CNTNAP2: variants seen among roughly 807,000 people sequenced by gnomAD.
CNTNAP2 encodes contactin associated protein 2.
In CNTNAP2, 98 loss-of-function variants were observed where a neutral mutation model predicts 155.2. That is an observed-to-expected ratio of 0.63 (90% CI 0.54 to 0.75). The LOEUF (loss-of-function observed/expected upper bound fraction) is 0.75. Among genes scored for constraint, CNTNAP2 ranks in the 30% least tolerant of loss-of-function variants. The probability of loss-of-function intolerance (pLI) is 0.00; values close to 1 mark genes in which losing one functional copy is unlikely to be tolerated. For synonymous variants in CNTNAP2, 651 were observed against 631.2 expected (o/e 1.03, Z -0.47); for missense variants, 1,727 against 1,688.1 (o/e 1.02, Z -0.40).
chr7:147,171,743 TAAG>T (rs747000609), intron 8 of CNTNAP2, among the ~76,000 whole-genome samples: 2 of 152,114 alleles, frequency 1.3e-5, no homozygotes, highest in Non-Finnish European at 1.5e-5. Flanking sequence ...AGAAACCAAA[TAAG>T]AAGTTTCGAG....
At chr7:147,212,894 A>G (rs1803187920) in intron 8 of CNTNAP2, among the ~76,000 whole-genome samples, 1 of 152,146 alleles carries the variant, frequency 6.6e-6, no homozygotes, top group Non-Finnish European at 1.5e-5. Flanking sequence ...ATATTCTCAA[A>G]TTCCTGGTGT....
At chr7:148,153,244 A>AAAC (rs1196192511) in intron 17 of CNTNAP2, among the ~76,000 whole-genome samples, 1 of 151,556 alleles carries the variant, frequency 6.6e-6, no homozygotes, top group Admixed American at 6.6e-5. Context: ...GTAACCGAAA[A>AAAC]AAAAAAAAAC....
chr7:146,217,223 T>C (rs1799128766), intron 1 of CNTNAP2, among the ~76,000 whole-genome samples: 1 of 152,186 alleles, frequency 6.6e-6, no homozygotes, highest in South Asian at 2.1e-4. Context: ...ATAAGAACCT[T>C]AACGCTTTTG....
intron 9 of CNTNAP2, among the ~76,000 whole-genome samples, chr7:147,319,891 A>G (rs1481728907): frequency 6.6e-6 from 1 of 152,142 alleles, no homozygotes; most frequent in Non-Finnish European, 1.5e-5. Context: ...AAGCATCAGC[A>G]AACTCTTTTA....
chr7:146,774,653 TAAACGTTTAGAGTTA>T (rs1802356533), intron 2 of CNTNAP2, among the ~76,000 whole-genome samples: 1 of 152,156 alleles, frequency 6.6e-6, no homozygotes, highest in African/African-American at 2.4e-5. Context: ...CAAAATGGCA[TAAACGTTTAGAGTTA>T]AAATTCCTAT....
chr7:147,842,254 G>A (rs1292789178), intron 13 of CNTNAP2, among the ~76,000 whole-genome samples: 1 of 152,204 alleles, frequency 6.6e-6, no homozygotes. Context: ...TCAGAGGAGA[G>A]CATTATCTCC....
intron 1 of CNTNAP2, among the ~76,000 whole-genome samples, chr7:146,392,613 G>T (rs1795560998): frequency 6.6e-6 from 1 of 152,156 alleles, no homozygotes; most frequent in African/African-American, 2.4e-5. Context: ...TCTGGTAACT[G>T]CAACCTTCTT....
chr7:146,644,907 G>A (rs1257535204), intron 1 of CNTNAP2, among the ~76,000 whole-genome samples: 2 of 152,058 alleles, frequency 1.3e-5, no homozygotes, highest in Non-Finnish European at 2.9e-5. Flanking sequence ...GAGGTACAAG[G>A]AGGAACTGGT....
chr7:148,015,380 C>A (rs1291481918), intron 15 of CNTNAP2, among the ~76,000 whole-genome samples: 1 of 152,150 alleles, frequency 6.6e-6, no homozygotes, highest in East Asian at 1.9e-4. Context: ...AGACAGGAAG[C>A]AACTCTCCTG....
At chr7:147,760,919 C>A (rs754389078) in intron 13 of CNTNAP2, among the ~76,000 whole-genome samples, 7 of 152,090 alleles carry the variant, frequency 4.6e-5, no homozygotes, top group Non-Finnish European at 7.4e-5. Context: ...TTGTGATAAG[C>A]CAAAGGATCT....
At chr7:146,329,089 A>C (rs77027036) in intron 1 of CNTNAP2, among the ~76,000 whole-genome samples, 41 of 152,088 alleles carry the variant, frequency 2.7e-4, no homozygotes, top group African/African-American at 9.9e-4. Flanking sequence ...TTTATTTTTC[A>C]TTTTTAAGAA....
intron 12 of CNTNAP2, among the ~76,000 whole-genome samples, chr7:147,623,104 A>C (rs1487127689): frequency 2.0e-5 from 3 of 152,038 alleles, no homozygotes; most frequent in African/African-American, 7.2e-5. Flanking sequence ...ATCCAGTAAC[A>C]AGATCGAAGC....
intron 3 of CNTNAP2, among the ~76,000 whole-genome samples, chr7:146,995,603 T>C (rs375453857): frequency 8.3e-4 from 127 of 152,256 alleles, no homozygotes; most frequent in African/African-American, 2.9e-3. Context: ...TGAACATTTT[T>C]ATATGCCTGT....
intron 1 of CNTNAP2, among the ~76,000 whole-genome samples, chr7:146,684,472 G>T (rs1800559346): frequency 6.6e-6 from 1 of 151,780 alleles, no homozygotes; most frequent in Admixed American, 6.6e-5. Context: ...AGACTTATTT[G>T]ACTACTCTAA....
intron 16 of CNTNAP2, among the ~76,000 whole-genome samples, chr7:148,143,946 T>C (rs1397027878): frequency 6.6e-6 from 1 of 152,220 alleles, no homozygotes; most frequent in African/African-American, 2.4e-5. Flanking sequence ...AGCCTGGAAT[T>C]GCCATCTTTG....
chr7:147,029,374 A>G (rs1272119652), intron 3 of CNTNAP2, among the ~76,000 whole-genome samples: 5 of 152,190 alleles, frequency 3.3e-5, no homozygotes. Context: ...CATTATCATC[A>G]GTGATTTTTC....
chr7:146,214,452 G>C (rs1240405159), intron 1 of CNTNAP2, among the ~76,000 whole-genome samples: 1 of 152,090 alleles, frequency 6.6e-6, no homozygotes, highest in Non-Finnish European at 1.5e-5. Context: ...CGTTCACCTT[G>C]TTTGCCTTTC....
intron 1 of CNTNAP2, among the ~76,000 whole-genome samples, chr7:146,395,922 A>G (rs887868609): frequency 2.0e-5 from 3 of 151,390 alleles, no homozygotes; most frequent in African/African-American, 7.3e-5. Context: ...AGAAAGGCAG[A>G]TTTAGGGACC....
chr7:146,947,630 G>A (rs1481880307), intron 3 of CNTNAP2, among the ~76,000 whole-genome samples: 1 of 141,998 alleles, frequency 7.0e-6, no homozygotes, highest in African/African-American at 2.7e-5. Flanking sequence ...TCAAAGCCAG[G>A]CATGGTAGCT....
Sources: gnomAD v4.1 joint callset for allele counts (sites outside exome capture counted in the v4.1 genomes callset) on GRCh38, gnomAD v4.1.1 for gene constraint, MANE v1.5 for transcripts, NCBI Gene and HGNC (gene_info 2026-07-23, HGNC 2026-07-21) for gene names.